Variants in HTR3B observed in about 807,000 individuals in gnomAD.
The protein encoded by HTR3B is 5-hydroxytryptamine (serotonin) receptor 3B, ionotropic.
A neutral mutation model predicts 42.8 loss-of-function variants in HTR3B; 44 were observed. That is an observed-to-expected ratio of 1.03 (90% CI 0.81 to 1.32). HTR3B has a LOEUF of 1.32. HTR3B is among the 40% of genes most tolerant of loss of function. HTR3B has a pLI of 0.00. For synonymous variants in HTR3B, 203 were observed against 209.0 expected (o/e 0.97, Z 0.25); for missense variants, 527 against 536.5 (o/e 0.98, Z 0.17).
intron 2 of HTR3B, among the ~76,000 whole-genome samples, chr11:113,917,982 A>C (rs1055574545): frequency 6.6e-6 from 1 of 152,038 alleles, no homozygotes; most frequent in South Asian, 2.1e-4. Flanking sequence ...CCTTTTATGA[A>C]GTTTTTCTTA....
chr11:113,946,785 A>G lies in HTR3B; in HGVS notation c.*648A>G, dbSNP rs571466842. ...TGTATGGTTAAGCAGTTTTTTAAAA[A>G]GTGTAAGATAGCTCCATCTTCCAGC... On this transcript the variant is annotated 3_prime_UTR_variant, in exon 9 of 9. Coordinates refer to ENST00000260191, the MANE Select transcript of HTR3B (RefSeq NM_006028.5). Among the ~76,000 whole-genome samples, 1 of 152,350 alleles carries G rather than the reference A, an allele frequency of 6.6e-6. No individual in the cohort carries two copies. The highest frequency in any genetic ancestry group is 1.5e-5 in the Non-Finnish European group (1 of 68,028).
chr11:113,929,792 G>GC (rs1311037757), intron 2 of HTR3B, among the ~76,000 whole-genome samples: 1 of 152,136 alleles, frequency 6.6e-6, no homozygotes, highest in African/African-American at 2.4e-5. Flanking sequence ...GAGTGCAGTA[G>GC]CAGGATCTGG....
intron 1 of HTR3B, among the ~76,000 whole-genome samples, chr11:113,906,710 A>G (rs1949737074): frequency 6.6e-6 from 1 of 152,150 alleles, no homozygotes; most frequent in South Asian, 2.1e-4. Flanking sequence ...CTGTGTGTAA[A>G]TATCACTCCC....
chr11:113,935,388 T>C (rs1042478902), intron 6 of HTR3B, among the ~76,000 whole-genome samples: 8 of 152,076 alleles, frequency 5.3e-5, no homozygotes. Context: ...ACGTGGGTTA[T>C]CTAGCAGGGC....
At chr11:113,913,309 C>T (rs1201508944) in intron 2 of HTR3B, among the ~76,000 whole-genome samples, 1 of 147,844 alleles carries the variant, frequency 6.8e-6, no homozygotes, top group Non-Finnish European at 1.5e-5. Flanking sequence ...TCAGCCTCCC[C>T]AGTGACTGGG....
intron 8 of HTR3B, 22 bp from the exon 9 acceptor site, chr11:113,945,880 G>A: frequency 6.4e-7 from 1 of 1,569,544 alleles, no homozygotes. Context: ...GCTCACCCAG[G>A]GTGTTTTCCT....
chr11:113,935,062 ACTCT>A (rs924348569), intron 6 of HTR3B, among the ~76,000 whole-genome samples: 386 of 150,566 alleles, frequency 2.6e-3, no homozygotes, highest in African/African-American at 9.0e-3. Flanking sequence ...ACACACACAC[ACTCT>A]CTCTCTCTCC....
Position 113,941,875 on chromosome 11 carries a change from T to A in HTR3B, c.697-1107T>A, listed in dbSNP as rs969918978. On this transcript the variant is annotated intron_variant, in intron 6 of 8. Transcript: ENST00000260191. The stretch of plus-strand genomic sequence containing the variant: ...CTTCAGGCCTAAGGGTGGTAACAGA[T>A]CACCCAGTCCCCGAAAAGCCCAGGG... Among the ~76,000 whole-genome samples, 46 of 152,076 alleles carry A rather than the reference T, an allele frequency of 3.0e-4. 1 individual carries two copies. The highest frequency in any genetic ancestry group is 9.9e-4 in the African/African-American group (41 of 41,396).
intron 6 of HTR3B, among the ~76,000 whole-genome samples, chr11:113,935,945 T>C (rs979836996): frequency 2.0e-5 from 3 of 152,142 alleles, no homozygotes; most frequent in Non-Finnish European, 4.4e-5. Context: ...TTTCAGCTAA[T>C]GTGCAATCAT....
At chr11:113,925,417 GTTTTTTTTTTTTT>G (rs201996305) in intron 2 of HTR3B, among the ~76,000 whole-genome samples, 22 of 100,724 alleles carry the variant, frequency 2.2e-4, no homozygotes, top group African/African-American at 5.7e-4. Flanking sequence ...TTACGAATTT[GTTTTTTTTTTTTT>G]TTTTTTTTTT....
Position 113,938,856 on chromosome 11 carries a change from G to A in HTR3B, c.697-4126G>A, listed in dbSNP as rs147769033. On this transcript the variant is annotated intron_variant, in intron 6 of 8. Transcript: ENST00000260191. ...CTAAAAATGCAAAAATTAGCTGGGC[G>A]TGGTGGCAGGTGCCTGTAATCCCAG... 4.1e-3 allele frequency among the ~76,000 whole-genome samples: 621 copies of A among 152,200 alleles called. 6 individuals are homozygous for A. Among genetic ancestry groups the A allele is most frequent in the African/African-American group, 0.014 (591 of 41,526 alleles).
intron 2 of HTR3B, among the ~76,000 whole-genome samples, chr11:113,925,393 G>A (rs903252807): frequency 6.1e-5 from 9 of 147,966 alleles, no homozygotes; most frequent in African/African-American, 2.2e-4. Flanking sequence ...ACCTAAATCA[G>A]CAAAGGAAAT....
chr11:113,912,380 A>G (rs1007419449), intron 2 of HTR3B, among the ~76,000 whole-genome samples: 1 of 152,122 alleles, frequency 6.6e-6, no homozygotes, highest in African/African-American at 2.4e-5. Flanking sequence ...AACAGCTGGG[A>G]CTACAGGCGT....
At chr11:113,916,892 T>C (rs577119934) in intron 2 of HTR3B, among the ~76,000 whole-genome samples, 2 of 152,300 alleles carry the variant, frequency 1.3e-5, no homozygotes, top group African/African-American at 4.8e-5. Context: ...CTGTGACCCT[T>C]ACATTTCTTT....
At chr11:113,941,581 A>T (rs1319100466) in intron 6 of HTR3B, among the ~76,000 whole-genome samples, 1 of 151,706 alleles carries the variant, frequency 6.6e-6, no homozygotes, top group Non-Finnish European at 1.5e-5. Context: ...GCACTCCTCC[A>T]CCCCCTGCAT....
chr11:113,902,400 G>A (rs982408036), upstream of HTR3B, among the ~76,000 whole-genome samples: 1 of 152,012 alleles, frequency 6.6e-6, no homozygotes, highest in African/African-American at 2.4e-5. Flanking sequence ...GGGTTCACAA[G>A]ATTCTCATGC....
At chr11:113,903,349 AG>A (rs1318785098), upstream of HTR3B, among the ~76,000 whole-genome samples, 1 of 152,114 alleles carries the variant, frequency 6.6e-6, no homozygotes, top group Non-Finnish European at 1.5e-5. Context: ...TAGGCTGCTA[AG>A]TGGACAGAGC....
intron 1 of HTR3B, among the ~76,000 whole-genome samples, chr11:113,906,813 T>C (rs934224006): frequency 6.6e-6 from 1 of 152,202 alleles, no homozygotes; most frequent in African/African-American, 2.4e-5. Flanking sequence ...CACAGAGCTG[T>C]AGAGTACCTG....
At chr11:113,904,696 G>A (rs186995775), upstream of HTR3B, 1 of 477,026 alleles carries the variant, frequency 2.1e-6, no homozygotes, top group Admixed American at 3.7e-5. Flanking sequence ...TCTTGGGGCA[G>A]AACCAAAGGG....
Sources: allele counts gnomAD v4.1 joint callset (sites outside exome capture counted in the v4.1 genomes callset), GRCh38; gene constraint gnomAD v4.1.1; transcripts MANE v1.5; gene names NCBI Gene and HGNC (gene_info 2026-07-23, HGNC 2026-07-21).